MBNL1: variants seen among roughly 807,000 people sequenced by gnomAD.
MBNL1 encodes the protein muscleblind-like protein 1.
MBNL1 carries 8 observed loss-of-function variants against 42.2 expected under a neutral mutation model. The ratio of observed to expected loss-of-function variants is 0.19; its 90% CI spans 0.11 to 0.34. The LOEUF (loss-of-function observed/expected upper bound fraction) is 0.34. Among genes scored for constraint, MBNL1 ranks in the 10% least tolerant of loss-of-function variants. MBNL1 has a pLI of 1.00. For synonymous variants in MBNL1, 169 were observed against 173.9 expected (o/e 0.97, Z 0.22); for missense variants, 309 against 495.3 (o/e 0.62, Z 3.57).
chr3:152,401,606 A>G (rs1458410261), intron 2 of MBNL1, among the ~76,000 whole-genome samples: 1 of 152,190 alleles, frequency 6.6e-6, no homozygotes, highest in Non-Finnish European at 1.5e-5. Flanking sequence ...GCATAAGGTC[A>G]TGTAGCTAGC....
chr3:152,429,810 G>GTC (rs2098982936), intron 3 of MBNL1, among the ~76,000 whole-genome samples: 2 of 152,040 alleles, frequency 1.3e-5, no homozygotes, highest in Non-Finnish European at 2.9e-5. Context: ...GTGTGTGTGT[G>GTC]TGTCTGTCTG....
chr3:152,403,654 A>T (rs1294514011), intron 2 of MBNL1, among the ~76,000 whole-genome samples: 1 of 152,118 alleles, frequency 6.6e-6, no homozygotes, highest in Admixed American at 6.6e-5. Context: ...TTCTCTAGGT[A>T]TGGGGGTGGA....
intron 2 of MBNL1, among the ~76,000 whole-genome samples, chr3:152,331,930 G>A (rs979853994): frequency 2.0e-5 from 3 of 152,094 alleles, no homozygotes; most frequent in Admixed American, 1.3e-4. Context: ...GACCTCAAGT[G>A]ATCCACCCGC....
chr3:152,265,145 T>C (rs955381712), upstream of MBNL1: 1 of 152,224 alleles, frequency 6.6e-6, no homozygotes, highest in Non-Finnish European at 1.5e-5. Context: ...ATAAATTTAA[T>C]GCATCTACTT....
At chr3:152,444,926 A>G (rs746165204) in intron 4 of MBNL1, among the ~76,000 whole-genome samples, 3 of 152,136 alleles carry the variant, frequency 2.0e-5, no homozygotes, top group Admixed American at 1.3e-4. Flanking sequence ...ATTATGTCTC[A>G]TTATTGGTGA....
In MBNL1 at chr3:152,283,391, G is replaced by T. The variant is rs7639288; in HGVS notation, c.-790+14299G>T. ...TCAGATAGGACTGTTGTTGTTGTTG[G>T]TGGTGGTGTTTTTAATCAATTAGAA... On this transcript the variant is annotated intron_variant, in intron 1 of 9. Transcript: ENST00000324210. Among the ~76,000 whole-genome samples the T allele has an allele frequency of 3.9e-3, 599 of 152,240 alleles. 1 individual carries two copies. The highest frequency in any genetic ancestry group is 0.012 in the African/African-American group (507 of 41,522).
rs138275491 is a variant in MBNL1, at chr3:152,436,826, C to T, written c.549+3906C>T. ...TTTCTTTTGCTGTAGTCAGCACAAA[C>T]GGTTACAACTGCATCAACTGTCATT... On this transcript the variant is annotated intron_variant, in intron 4 of 9. Coordinates refer to ENST00000324210, the MANE Select transcript of MBNL1 (RefSeq NM_021038.5). 2.7e-3 allele frequency among the ~76,000 whole-genome samples: 410 copies of T among 152,282 alleles called. 1 individual carries two copies. Among genetic ancestry groups the T allele is most frequent in the African/African-American group, 9.3e-3 (387 of 41,576 alleles).
chr3:152,337,981 A>ACC, intron 2 of MBNL1: 1 of 579,948 alleles, frequency 1.7e-6, no homozygotes, highest in South Asian at 8.1e-5. Flanking sequence ...GCGGATCAGC[A>ACC]CCCTGGGATT....
chr3:152,441,758 T>C (rs368650633), intron 4 of MBNL1, among the ~76,000 whole-genome samples: 4 of 152,244 alleles, frequency 2.6e-5, no homozygotes, highest in African/African-American at 9.6e-5. Flanking sequence ...ATAGATCTTA[T>C]TGTTTTAATG....
At chr3:152,359,113 C>T (rs1578628152) in intron 2 of MBNL1, among the ~76,000 whole-genome samples, 1 of 152,034 alleles carries the variant, frequency 6.6e-6, no homozygotes, top group African/African-American at 2.4e-5. Flanking sequence ...GTTTATATGC[C>T]TATTATATTA....
chr3:152,270,668 G>A (rs2040937712), intron 1 of MBNL1, among the ~76,000 whole-genome samples: 1 of 152,190 alleles, frequency 6.6e-6, no homozygotes, highest in Admixed American at 6.5e-5. Context: ...TTATTTTGTA[G>A]CCTGAGAATG....
intron 2 of MBNL1, among the ~76,000 whole-genome samples, chr3:152,306,118 G>C (rs1197518954): frequency 1.3e-5 from 2 of 152,092 alleles, no homozygotes; most frequent in East Asian, 1.9e-4. Flanking sequence ...TGTTATCTCT[G>C]AGTTCTTTCC....
intron 2 of MBNL1, among the ~76,000 whole-genome samples, chr3:152,388,625 G>T (rs770304931): frequency 5.3e-5 from 8 of 152,170 alleles, no homozygotes; most frequent in Non-Finnish European, 1.0e-4. Flanking sequence ...CTTTGAGGAG[G>T]TATGACTAGG....
At chr3:152,328,323 A>G (rs954168842) in intron 2 of MBNL1, among the ~76,000 whole-genome samples, 1 of 152,156 alleles carries the variant, frequency 6.6e-6, no homozygotes, top group Non-Finnish European at 1.5e-5. Flanking sequence ...CTGCCAAAAG[A>G]TGCACTGTTA....
chr3:152,268,809 T>C (rs772520487), upstream of MBNL1: 1 of 453,820 alleles, frequency 2.2e-6, no homozygotes, highest in South Asian at 1.6e-5. Flanking sequence ...GCCGCGTGCA[T>C]TAGGAGCTCG....
chr3:152,310,003 G>T (rs1019977670), intron 2 of MBNL1, among the ~76,000 whole-genome samples: 5 of 152,130 alleles, frequency 3.3e-5, no homozygotes, highest in African/African-American at 1.2e-4. Context: ...ATTTGCTCAG[G>T]TAACACACAA....
At chr3:152,302,062 A>C (rs1237176128) in intron 2 of MBNL1, 1 of 152,068 alleles carries the variant, frequency 6.6e-6, no homozygotes, top group African/African-American at 2.4e-5. Flanking sequence ...TCCATCTCAA[A>C]ATATTTTTTT....
chr3:152,398,199 G>A (rs1260869821), intron 2 of MBNL1, among the ~76,000 whole-genome samples: 8 of 152,104 alleles, frequency 5.3e-5, no homozygotes, highest in African/African-American at 1.2e-4. Flanking sequence ...TGTAGAGACT[G>A]GGCCCTATTT....
chr3:152,329,747 A>T (rs980995189), intron 2 of MBNL1, among the ~76,000 whole-genome samples: 3 of 147,518 alleles, frequency 2.0e-5, no homozygotes, highest in African/African-American at 7.4e-5. Context: ...ATATATAAGA[A>T]ATATATATAT....
Sources: gnomAD v4.1 joint callset for allele counts (sites outside exome capture counted in the v4.1 genomes callset) on GRCh38, gnomAD v4.1.1 for gene constraint, MANE v1.5 for transcripts, NCBI Gene and HGNC (gene_info 2026-07-23, HGNC 2026-07-21) for gene names.